ROBO2: variants seen among roughly 807,000 people sequenced by gnomAD.
ROBO2 encodes the protein roundabout guidance receptor 2.
In ROBO2, 53 loss-of-function variants were observed where a neutral mutation model predicts 160.8. That is an observed-to-expected ratio of 0.33 (90% confidence interval 0.26 to 0.41). ROBO2 has a LOEUF of 0.41. Among genes scored for constraint, ROBO2 ranks in the 10% least tolerant of loss-of-function variants. The probability of loss-of-function intolerance (pLI) is 1.00; values close to 1 mark genes in which losing one functional copy is unlikely to be tolerated. For synonymous variants in ROBO2, 664 were observed against 611.7 expected, an observed-to-expected ratio of 1.09 and a Z score of -1.26; for missense variants, 1,577 against 1,722.4, an observed-to-expected ratio of 0.92 and a Z score of 1.49.
chr3:76,828,017 T>A (rs1001542534), intron 2 of ROBO2, among the ~76,000 whole-genome samples: 1 of 152,146 alleles, frequency 6.6e-6, no homozygotes, highest in Non-Finnish European at 1.5e-5. Flanking sequence ...AAACAGAAGA[T>A]AAGAATCCAT....
At chr3:76,114,309 A>G (rs1295724863) in intron 2 of ROBO2, among the ~76,000 whole-genome samples, 2 of 152,130 alleles carry the variant, frequency 1.3e-5, no homozygotes, top group African/African-American at 4.8e-5. Context: ...GTGGCTTTTC[A>G]TGAAATTAAT....
chr3:77,114,990 T>A (rs2074057914), intron 2 of ROBO2, among the ~76,000 whole-genome samples: 2 of 152,126 alleles, frequency 1.3e-5, no homozygotes, highest in African/African-American at 4.8e-5. Flanking sequence ...AGTGTTTTTA[T>A]TTTATTCATT....
At chr3:77,285,248 G>T (rs2060502120) in intron 2 of ROBO2, among the ~76,000 whole-genome samples, 1 of 152,036 alleles carries the variant, frequency 6.6e-6, no homozygotes, top group Admixed American at 6.6e-5. Context: ...GACTTCATTG[G>T]CCAGAACACT....
chr3:76,818,054 T>C (rs2065837364), intron 2 of ROBO2, among the ~76,000 whole-genome samples: 1 of 152,094 alleles, frequency 6.6e-6, no homozygotes, highest in Admixed American at 6.6e-5. Context: ...GTTCTATTTT[T>C]AGTTCTTTAA....
chr3:77,293,304 G>A (rs536715645), intron 2 of ROBO2, among the ~76,000 whole-genome samples: 3 of 147,970 alleles, frequency 2.0e-5, no homozygotes, highest in East Asian at 2.3e-4. Context: ...AAGTAAAATT[G>A]ATGGTTAAAC....
At chr3:76,869,592 G>C (rs535412329) in intron 2 of ROBO2, among the ~76,000 whole-genome samples, 1 of 151,660 alleles carries the variant, frequency 6.6e-6, no homozygotes, top group African/African-American at 2.4e-5. Flanking sequence ...CTCGTGATCC[G>C]CCCGCCTCGG....
chr3:77,013,026 A>C (rs1403222153), intron 2 of ROBO2, among the ~76,000 whole-genome samples: 2 of 152,072 alleles, frequency 1.3e-5, no homozygotes, highest in Non-Finnish European at 2.9e-5. Flanking sequence ...TTTGTGGGGG[A>C]GGAAGTGTTT....
At chr3:76,842,856 A>T (rs1286237666) in intron 2 of ROBO2, among the ~76,000 whole-genome samples, 1 of 152,126 alleles carries the variant, frequency 6.6e-6, no homozygotes, top group Non-Finnish European at 1.5e-5. Flanking sequence ...TCATTTCATT[A>T]TCCCAGCTTG....
intron 2 of ROBO2, among the ~76,000 whole-genome samples, chr3:75,995,321 C>T (rs1049950367): frequency 1.3e-5 from 2 of 152,142 alleles, no homozygotes; most frequent in African/African-American, 4.8e-5. Context: ...GCTTGGTGCT[C>T]TGCATCCCAG....
chr3:76,908,571 A>G (rs1466635090), intron 2 of ROBO2, among the ~76,000 whole-genome samples: 1 of 152,112 alleles, frequency 6.6e-6, no homozygotes, highest in Non-Finnish European at 1.5e-5. Flanking sequence ...CAGCCCTTAC[A>G]CTCAAAACTT....
chr3:76,413,971 G>A (rs1338083418), intron 2 of ROBO2, among the ~76,000 whole-genome samples: 1 of 152,142 alleles, frequency 6.6e-6, no homozygotes, highest in African/African-American at 2.4e-5. Flanking sequence ...GTTCCACATG[G>A]CTGGGGAGGC....
At chr3:76,067,815 T>G (rs957371634) in intron 2 of ROBO2, among the ~76,000 whole-genome samples, 2 of 143,078 alleles carry the variant, frequency 1.4e-5, no homozygotes, top group African/African-American at 5.4e-5. Context: ...TGCAAAGCAG[T>G]AAAAATTTGA....
At chr3:77,235,474 A>G (rs1560305393) in intron 2 of ROBO2, among the ~76,000 whole-genome samples, 3 of 151,848 alleles carry the variant, frequency 2.0e-5, no homozygotes, top group Non-Finnish European at 4.4e-5. Flanking sequence ...AGAATATTTT[A>G]ATGATGTCAA....
chr3:77,413,562 G>A (rs747060110), intron 2 of ROBO2, among the ~76,000 whole-genome samples: 1 of 152,188 alleles, frequency 6.6e-6, no homozygotes, highest in Non-Finnish European at 1.5e-5. Flanking sequence ...GTTCAGTTGA[G>A]AATTTCCCAC....
intron 2 of ROBO2, among the ~76,000 whole-genome samples, chr3:76,304,547 G>A (rs1183135355): frequency 6.6e-6 from 1 of 152,080 alleles, no homozygotes; most frequent in East Asian, 1.9e-4. Context: ...TATTCTGATG[G>A]CTTGTTGATG....
chr3:76,551,024 A>G (rs2083384738), intron 2 of ROBO2, among the ~76,000 whole-genome samples: 1 of 151,532 alleles, frequency 6.6e-6, no homozygotes, highest in Non-Finnish European at 1.5e-5. Flanking sequence ...CTAGGCAGGG[A>G]CAGCTAGGAG....
intron 2 of ROBO2, among the ~76,000 whole-genome samples, chr3:76,523,068 G>A (rs1337134925): frequency 6.7e-6 from 1 of 149,482 alleles, no homozygotes; most frequent in Non-Finnish European, 1.5e-5. Flanking sequence ...CTAACCTACA[G>A]CTAGTACTGC....
At chr3:76,610,661 T>G (rs1390145286) in intron 2 of ROBO2, among the ~76,000 whole-genome samples, 1 of 76,792 alleles carries the variant, frequency 1.3e-5, no homozygotes, top group African/African-American at 5.2e-5. Flanking sequence ...TTCAGCTCTT[T>G]CATTCTCACT....
At chr3:77,105,455 C>T (rs991879189) in intron 2 of ROBO2, among the ~76,000 whole-genome samples, 1 of 152,058 alleles carries the variant, frequency 6.6e-6, no homozygotes, top group African/African-American at 2.4e-5. Flanking sequence ...AGCTGAAAAA[C>T]GCTCCCTAGC....
Sources: allele counts gnomAD v4.1 joint callset (sites outside exome capture counted in the v4.1 genomes callset), GRCh38; gene constraint gnomAD v4.1.1; transcripts MANE v1.5; gene names NCBI Gene and HGNC (gene_info 2026-07-23, HGNC 2026-07-21).